Variants in KIAA1549 observed in about 807,000 individuals in gnomAD.
The protein encoded by KIAA1549 is UPF0606 protein KIAA1549.
In KIAA1549, 70 loss-of-function variants were observed where a neutral mutation model predicts 156.4. The observed-to-expected ratio is 0.45, with a 90% CI of 0.37 to 0.55. The LOEUF (loss-of-function observed/expected upper bound fraction) is 0.55, where lower values mean the gene tolerates loss of function less well. Among genes scored for constraint, KIAA1549 ranks in the 20% least tolerant of loss-of-function variants. The pLI is 0.00. For missense variants in KIAA1549, 2,428 were observed against 2,540.9 expected (o/e 0.96, Z 0.96); for synonymous variants, 1,103 against 1,066.4 (o/e 1.03, Z -0.67).
rs949345323 is a variant in KIAA1549 at position 138,835,883 on chromosome 7, G to C, written c.*2023C>G. The C allele has an allele frequency of 9.1e-6, 2 of 219,758 alleles. No individual in the cohort carries two copies. The highest frequency in any genetic ancestry group is 9.1e-6 in the Non-Finnish European group (1 of 109,518). 13.6% of individuals were successfully genotyped at this position (219,758 alleles called of 1,614,324 possible). A position where few individuals can be genotyped will look rare whatever the true frequency, so the allele number is the denominator to read the frequency against. On this transcript the variant is annotated 3_prime_UTR_variant, in exon 20 of 20. Transcript: ENST00000422774. The stretch of plus-strand genomic sequence containing the variant: ...TGCTGGTCCTTTGTTGAACGTCCTT[G>C]AGAGACTTACTCTCCTGCACTCCTT...
At chr7:138,865,764 C>CTGAA (rs2130374505) in intron 15 of KIAA1549, among the ~76,000 whole-genome samples, 1 of 152,262 alleles carries the variant, frequency 6.6e-6, no homozygotes, top group South Asian at 2.1e-4. Context: ...TCTAGAGTCA[C>CTGAA]TGAAGCAGGC....
intron 15 of KIAA1549, among the ~76,000 whole-genome samples, chr7:138,861,816 A>C (rs1487303672): frequency 1.3e-5 from 2 of 152,144 alleles, no homozygotes; most frequent in Non-Finnish European, 2.9e-5. Flanking sequence ...GCTTTCAGTA[A>C]GCTATAATCG....
At chr7:138,850,931 T>C (rs1350212161) in intron 17 of KIAA1549, among the ~76,000 whole-genome samples, 3 of 152,222 alleles carry the variant, frequency 2.0e-5, no homozygotes, top group Non-Finnish European at 4.4e-5. Flanking sequence ...AGATTTGTTA[T>C]GGTCCAGCAT....
At chr7:138,922,399 T>G (rs1209912165) in intron 1 of KIAA1549, among the ~76,000 whole-genome samples, 2 of 152,060 alleles carry the variant, frequency 1.3e-5, no homozygotes, top group African/African-American at 4.8e-5. Context: ...CAAAGTACCA[T>G]GAACAAAAGT....
intron 1 of KIAA1549, among the ~76,000 whole-genome samples, chr7:138,956,984 G>A (rs1264245739): frequency 1.3e-5 from 2 of 152,168 alleles, no homozygotes; most frequent in African/African-American, 4.8e-5. Flanking sequence ...AGTGGTCAGA[G>A]TTATAATAGG....
chr7:138,889,505 TTTG>T (rs1454180100), intron 10 of KIAA1549, among the ~76,000 whole-genome samples: 5 of 152,220 alleles, frequency 3.3e-5, no homozygotes, highest in African/African-American at 1.2e-4. Flanking sequence ...GATACAATAT[TTTG>T]TTAAGTCAAC....
At position 138,842,709 on chromosome 7, in the gene KIAA1549, T is replaced by A. The variant is rs867910451; in HGVS notation, c.5452+1608A>T. Among the ~76,000 whole-genome samples, 787 of 130,868 alleles carry A rather than the reference T, an allele frequency of 6.0e-3. 7 individuals carry two copies. The highest frequency in any genetic ancestry group is 0.021 in the African/African-American group (752 of 35,278). 85.9% of individuals were successfully genotyped at this position (130,868 alleles called of 152,430 possible). On this transcript the variant is annotated intron_variant, in intron 18 of 19. Coordinates refer to ENST00000422774, the MANE Select transcript of KIAA1549 (RefSeq NM_001164665.2). ...ACTCTGTCTCAAAAAAAAAAAAAAA[T>A]CTACCTCAGAGGGTTATTTCAAGGA...
At chr7:138,878,901 A>G (rs1467108760) in intron 12 of KIAA1549, among the ~76,000 whole-genome samples, 22 of 152,166 alleles carry the variant, frequency 1.4e-4, no homozygotes, top group Admixed American at 1.4e-3. Flanking sequence ...CTGTTACACT[A>G]AAAACAAGCT....
intron 9 of KIAA1549, among the ~76,000 whole-genome samples, chr7:138,898,579 G>A (rs554616579): frequency 4.3e-4 from 65 of 152,190 alleles, no homozygotes; most frequent in African/African-American, 1.5e-3. Flanking sequence ...CACTGTCCCC[G>A]CCAATGTTCA....
chr7:138,978,869 T>G (rs1814457635), intron 1 of KIAA1549, among the ~76,000 whole-genome samples: 1 of 152,116 alleles, frequency 6.6e-6, no homozygotes, highest in Non-Finnish European at 1.5e-5. Flanking sequence ...CTTCCCAGGA[T>G]CAACAGCACC....
intron 1 of KIAA1549, among the ~76,000 whole-genome samples, chr7:138,962,757 T>C (rs1034892911): frequency 6.6e-6 from 1 of 152,192 alleles, no homozygotes; most frequent in Non-Finnish European, 1.5e-5. Context: ...CGCAGAATCA[T>C]GAGAAATAAT....
At chr7:138,872,432 G>A (rs1425678805) in intron 12 of KIAA1549, among the ~76,000 whole-genome samples, 1 of 151,236 alleles carries the variant, frequency 6.6e-6, no homozygotes, top group Non-Finnish European at 1.5e-5. Flanking sequence ...TATTAACAGA[G>A]ACTGAATCTT....
At chr7:138,916,606 A>T in intron 2 of KIAA1549, 142 bp downstream of exon 2, 1 of 1,333,984 alleles carries the variant, frequency 7.5e-7, no homozygotes, top group South Asian at 1.5e-5. Context: ...CGCAGGAGGT[A>T]AGCATAGGAG....
chr7:138,960,302 G>T (rs62488861), intron 1 of KIAA1549, among the ~76,000 whole-genome samples: 10,182 of 91,016 alleles, frequency 0.11, 574 homozygotes, highest in African/African-American at 0.28. Flanking sequence ...TTGATTTATT[G>T]ATTTATTTAT....
At chr7:138,875,973 T>A (rs2130394505) in intron 12 of KIAA1549, among the ~76,000 whole-genome samples, 1 of 150,344 alleles carries the variant, frequency 6.7e-6, no homozygotes, top group East Asian at 2.0e-4. Context: ...TTTTTTCTGT[T>A]TTTTTTTTTG....
At position 138,834,350 on chromosome 7, in the gene KIAA1549, T is replaced by C. The variant is rs1298623928; in HGVS notation, c.*3556A>G. On this transcript the variant is annotated 3_prime_UTR_variant, in exon 20 of 20. Transcript: ENST00000422774. ...TTTTTGTAGAGACGGGGTTTTGCCA[T>C]GTTGCCTGGGCTGGTTTTAAGCTCT... 1.1e-5 allele frequency: 2 copies of C among 189,424 alleles called. No individual in the cohort carries two copies. The highest frequency in any genetic ancestry group is 1.7e-4 in the East Asian group (2 of 11,938). The allele number at this position is 189,424 out of a possible 1,614,324, so 11.7% of individuals were successfully genotyped here.
intron 1 of KIAA1549, among the ~76,000 whole-genome samples, chr7:138,924,703 C>T (rs769589583): frequency 6.6e-6 from 1 of 152,050 alleles, no homozygotes; most frequent in Non-Finnish European, 1.5e-5. Context: ...AGGGACAAAG[C>T]GGCTGCAGTG....
rs1029638153 is a variant in KIAA1549 at position 138,927,983 on chromosome 7, C to T, written c.188-8545G>A. Among the ~76,000 whole-genome samples, 8 of 148,468 alleles carry T rather than the reference C, an allele frequency of 5.4e-5. No individual in the cohort carries two copies. The East Asian group carries it at 5.9e-4, about 11-fold the overall frequency. On this transcript the variant is annotated intron_variant, in intron 1 of 19. Coordinates refer to ENST00000422774, the MANE Select transcript of KIAA1549 (RefSeq NM_001164665.2). ...TCGCCCAGGCTGGAGTGCAGTGGTG[C>T]GATCTTGGCTCACTGCAAGCTCTGC...
chr7:138,902,955 T>C (rs10230993), intron 8 of KIAA1549, among the ~76,000 whole-genome samples: 43,684 of 152,076 alleles, frequency 0.29, 6,623 homozygotes, highest in Middle Eastern at 0.38. Flanking sequence ...CTTCTTTGGT[T>C]GGTTGAATTT....
Sources: gnomAD v4.1 joint callset for allele counts (sites outside exome capture counted in the v4.1 genomes callset) on GRCh38, gnomAD v4.1.1 for gene constraint, MANE v1.5 for transcripts, NCBI Gene and HGNC (gene_info 2026-07-23, HGNC 2026-07-21) for gene names.